The following ST3GAL1 variants were observed in gnomAD, a reference collection of about 807,000 sequenced individuals.
ST3GAL1 encodes the protein ST3 beta-galactoside alpha-2,3-sialyltransferase 1, also known as CMP-N-acetylneuraminate-beta-galactosamide-alpha-2,3-sialyltransferase 1.
Under a neutral mutation model 34.1 loss-of-function variants are expected in ST3GAL1, and 16 were observed. The ratio of observed to expected loss-of-function variants is 0.47; its 90% CI spans 0.32 to 0.71. The LOEUF (loss-of-function observed/expected upper bound fraction) is 0.71. Ranked by LOEUF, ST3GAL1 falls within the 30% of genes least tolerant of loss-of-function variation. The pLI is 0.04. For synonymous variants in ST3GAL1, 191 were observed against 184.7 expected (o/e 1.03, Z -0.28); for missense variants, 353 against 447.4 (o/e 0.79, Z 1.90).
At chr8:133,501,454 G>C (rs1339465340) in intron 2 of ST3GAL1, among the ~76,000 whole-genome samples, 2 of 152,084 alleles carry the variant, frequency 1.3e-5, no homozygotes, top group East Asian at 3.9e-4. Flanking sequence ...TTATGTAAAA[G>C]AACAATCTCT....
At chr8:133,557,584 TCA>T (rs1819088422) in intron 1 of ST3GAL1, among the ~76,000 whole-genome samples, 1 of 152,186 alleles carries the variant, frequency 6.6e-6, no homozygotes, top group African/African-American at 2.4e-5. Context: ...GTGGTCTGAC[TCA>T]CACCTGTAAT....
At chr8:133,468,027 G>A (rs1012510454) in intron 5 of ST3GAL1, among the ~76,000 whole-genome samples, 1 of 152,148 alleles carries the variant, frequency 6.6e-6, no homozygotes, top group Non-Finnish European at 1.5e-5. Context: ...TGGTGGGGAT[G>A]TAAAACCGTG....
chr8:133,551,603 A>AAAGAAAGG lies in ST3GAL1; in HGVS notation c.-581-5678_-581-5677insCCTTTCTT, dbSNP rs1554619960. On this transcript the variant is annotated intron_variant, in intron 1 of 9. Transcript: ENST00000522652. ...GAAAGAAAGAAAGAAAGAAAGAAAG[A>AAAGAAAGG]AAGAAAGAAAGAAAGAGCGAGCAAG... Among the ~76,000 whole-genome samples the AAAGAAAGG allele has an allele frequency of 4.8e-3, 725 of 149,584 alleles. 7 individuals are homozygous for AAAGAAAGG. The highest frequency in any genetic ancestry group is 0.016 in the African/African-American group (627 of 39,552).
Position 133,551,550 on chromosome 8 carries a change from GAA to G in ST3GAL1, c.-581-5626_-581-5625del, listed in dbSNP as rs1477820815. ...AGAGAAAGAAAGAGAAGGAAAGAAAGAAAGAAAGAAAGAAAGAAAGAAAGAAA... is the reference window on the plus strand; with the variant it reads ...AGAGAAAGAAAGAGAAGGAAAGAAAGAGAAAGAAAGAAAGAAAGAAAGAAA... On this transcript the variant is annotated intron_variant, in intron 1 of 9. Transcript: ENST00000522652. Among the ~76,000 whole-genome samples the G allele has an allele frequency of 3.8e-3, 141 of 37,062 alleles. 1 individual carries two copies. The highest frequency in any genetic ancestry group is 0.014 in the African/African-American group (136 of 9,884). 24.3% of individuals were successfully genotyped at this position (37,062 alleles called of 152,430 possible). A position where few individuals can be genotyped will look rare whatever the true frequency, so the allele number is the denominator to read the frequency against.
intron 1 of ST3GAL1, among the ~76,000 whole-genome samples, chr8:133,557,904 C>CAAAAAAAAAAA (rs543479046): frequency 1.5e-5 from 1 of 65,386 alleles, no homozygotes; most frequent in Non-Finnish European, 3.7e-5. Context: ...GACTCCGTCT[C>CAAAAAAAAAAA]AAAAAAAAAA....
intron 2 of ST3GAL1, among the ~76,000 whole-genome samples, chr8:133,539,041 G>A (rs986891117): frequency 5.3e-5 from 8 of 152,278 alleles, no homozygotes; most frequent in South Asian, 2.1e-4. Flanking sequence ...TTACAAAGGC[G>A]TAAGGGCCAC....
At chr8:133,462,935 G>C (rs1466883187) in intron 8 of ST3GAL1, among the ~76,000 whole-genome samples, 1 of 152,232 alleles carries the variant, frequency 6.6e-6, no homozygotes, top group Non-Finnish European at 1.5e-5. Context: ...GTATGCAAAA[G>C]GCCAGTGTGG....
intron 5 of ST3GAL1, among the ~76,000 whole-genome samples, chr8:133,475,051 T>C (rs554154820): frequency 6.6e-5 from 10 of 152,196 alleles, no homozygotes; most frequent in Non-Finnish European, 1.2e-4. Flanking sequence ...AAAGCGCCTC[T>C]GTGGGTGAAA....
chr8:133,479,064 C>A (rs536660879), intron 3 of ST3GAL1, among the ~76,000 whole-genome samples: 3 of 152,186 alleles, frequency 2.0e-5, no homozygotes, highest in Admixed American at 6.5e-5. Flanking sequence ...CTAGCCCTTC[C>A]GAACCATCCC....
At chr8:133,541,994 T>C (rs1057215916) in intron 2 of ST3GAL1, among the ~76,000 whole-genome samples, 2 of 152,138 alleles carry the variant, frequency 1.3e-5, no homozygotes, top group Non-Finnish European at 2.9e-5. Flanking sequence ...GTGATTTTAA[T>C]AGATAGATAG....
intron 9 of ST3GAL1, among the ~76,000 whole-genome samples, chr8:133,460,240 G>T (rs536658567): frequency 2.0e-5 from 3 of 152,282 alleles, no homozygotes; most frequent in African/African-American, 7.2e-5. Flanking sequence ...TATTCTCCCA[G>T]GATTGAGGAG....
intron 5 of ST3GAL1, among the ~76,000 whole-genome samples, chr8:133,470,109 G>A (rs989293527): frequency 2.0e-5 from 3 of 152,152 alleles, no homozygotes; most frequent in Admixed American, 1.3e-4. Context: ...TCTGCCTTTT[G>A]TCAGTGGCAA....
chr8:133,505,658 G>A (rs535534179), intron 2 of ST3GAL1, among the ~76,000 whole-genome samples: 1 of 151,104 alleles, frequency 6.6e-6, no homozygotes, highest in Non-Finnish European at 1.5e-5. Flanking sequence ...GGTGGAGTGC[G>A]GTGGTGCAAT....
chr8:133,475,829 C>G lies in ST3GAL1; in HGVS notation c.196G>C (p.Gly66Arg). ...HRPCTCTHCIGQRKLSAWFDE... is the reference protein window; with the variant it reads ...HRPCTCTHCIRQRKLSAWFDE... ...AACCAGGCCGAGAGCTTGCGCTGCC[C>G]GATGCAGTGGGTGCAGGTGCAAGGC... The change falls in exon 5 of 10, where the codon GGG (glycine) becomes CGG (arginine). Residue 66 changes from glycine (G) to arginine (R), a missense_variant. Gly to Arg is a moderately radical substitution (Grantham distance 125). Transcript: ENST00000522652. The G allele has an allele frequency of 1.2e-6, 2 of 1,614,072 alleles. No individual in the cohort carries two copies. Among genetic ancestry groups the G allele is most frequent in the Non-Finnish European group, 8.5e-7 (1 of 1,180,030 alleles).
chr8:133,491,875 C>T (rs4736454), intron 3 of ST3GAL1, among the ~76,000 whole-genome samples: 38,825 of 152,054 alleles, frequency 0.26, 5,666 homozygotes, highest in Non-Finnish European at 0.34. Context: ...CAGCCCCACC[C>T]CCATACCTGG....
intron 1 of ST3GAL1, among the ~76,000 whole-genome samples, chr8:133,549,615 G>A (rs1369361102): frequency 6.6e-6 from 1 of 151,964 alleles, no homozygotes; most frequent in Non-Finnish European, 1.5e-5. Context: ...AGTTGGCAAT[G>A]GCATTGGATT....
At chr8:133,494,438 C>T (rs185745505) in intron 3 of ST3GAL1, among the ~76,000 whole-genome samples, 2 of 152,318 alleles carry the variant, frequency 1.3e-5, no homozygotes, top group East Asian at 3.9e-4. Context: ...CACTCCTGAC[C>T]CAGGAATCTC....
At chr8:133,503,812 A>T (rs1817255258) in intron 2 of ST3GAL1, among the ~76,000 whole-genome samples, 1 of 152,214 alleles carries the variant, frequency 6.6e-6, no homozygotes, top group Non-Finnish European at 1.5e-5. Flanking sequence ...TGCACTGCCC[A>T]CCTTGAAAGG....
At chr8:133,496,712 C>T (rs13261492) in intron 3 of ST3GAL1, among the ~76,000 whole-genome samples, 3 of 152,186 alleles carry the variant, frequency 2.0e-5, no homozygotes, top group East Asian at 3.9e-4. Flanking sequence ...CCTGGAGCCT[C>T]GGAGCAACTT....
Sources: gnomAD v4.1 joint callset for allele counts (sites outside exome capture counted in the v4.1 genomes callset) on GRCh38, gnomAD v4.1.1 for gene constraint, MANE v1.5 for transcripts, NCBI Gene and HGNC (gene_info 2026-07-23, HGNC 2026-07-21) for gene names.